The following CEBPZOS variants were observed in gnomAD, a reference collection of about 807,000 sequenced individuals.
CEBPZOS encodes the protein CEBPZ opposite strand, also known as protein CEBPZOS.
Under a neutral mutation model 4.8 loss-of-function variants are expected in CEBPZOS, and 10 were observed. The ratio of observed to expected loss-of-function variants is 2.07; its 90% CI spans 1.28 to 3.52. The LOEUF (loss-of-function observed/expected upper bound fraction) is 3.52. Ranked by LOEUF, CEBPZOS falls within the 30% of genes most tolerant of loss-of-function variation. CEBPZOS has a pLI of 0.00. For missense variants in CEBPZOS, 98 were observed against 43.6 expected (o/e 2.25, Z -3.51); for synonymous variants, 25 against 14.2 (o/e 1.77, Z -1.72).
chr2:37,205,946 G>C (rs1373412161), downstream of CEBPZOS, among the ~76,000 whole-genome samples: 1 of 152,192 alleles, frequency 6.6e-6, no homozygotes, highest in Non-Finnish European at 1.5e-5. Context: ...GCAAATAATG[G>C]TTGAGAAAAG....
At chr2:37,213,090 G>A (rs1677779423) in intron 4 of CEBPZOS, among the ~76,000 whole-genome samples, 1 of 151,914 alleles carries the variant, frequency 6.6e-6, no homozygotes, top group Non-Finnish European at 1.5e-5. Flanking sequence ...AAAAAAATAT[G>A]TAACGTGAAA....
At chr2:37,205,078 G>A (rs963948434), downstream of CEBPZOS, among the ~76,000 whole-genome samples, 2 of 152,164 alleles carry the variant, frequency 1.3e-5, no homozygotes, top group Non-Finnish European at 2.9e-5. Context: ...AAATCTGGAA[G>A]ATAACGTGTT....
downstream of CEBPZOS, chr2:37,215,196 G>A (rs200614160): frequency 7.4e-5 from 14 of 189,978 alleles, no homozygotes; most frequent in Middle Eastern, 1.3e-3. Context: ...TGTCAGTGCC[G>A]TTACAGTGAA....
intron 4 of CEBPZOS, chr2:37,210,434 C>A (rs541737199): frequency 6.6e-6 from 1 of 152,228 alleles, no homozygotes; most frequent in Admixed American, 6.5e-5. Context: ...TGGAATGCTA[C>A]TCATCCATAA....
At chr2:37,211,786 T>A (rs1677726847) in intron 4 of CEBPZOS, 2 of 1,328,410 alleles carry the variant, frequency 1.5e-6, no homozygotes, top group Non-Finnish European at 2.0e-6. Context: ...AAAAACAAAC[T>A]TAAGGCTAAG....
At chr2:37,200,113 G>A (rs1014054516) in intron 2 of CEBPZOS, among the ~76,000 whole-genome samples, 2 of 152,170 alleles carry the variant, frequency 1.3e-5, no homozygotes, top group African/African-American at 4.8e-5. Flanking sequence ...TGGGAGCACA[G>A]ATGGAGGAAA....
chr2:37,213,932 T>C (rs1341723676), downstream of CEBPZOS: 1 of 1,589,742 alleles, frequency 6.3e-7, no homozygotes, highest in Admixed American at 1.9e-5. Flanking sequence ...CCGTTTTTGT[T>C]TCTCTTTAAC....
rs551295420 is a variant in CEBPZOS at position 37,211,873 on chromosome 2, C to T, written c.*3-1564C>T. 7 of 1,607,830 alleles carry T rather than the reference C, an allele frequency of 4.4e-6. No individual in the cohort carries two copies. In the African/African-American group the frequency reaches 8.0e-5, roughly 18 times the overall value. On this transcript the variant is annotated intron_variant, in intron 4 of 4. Transcript: ENST00000397064. ...ACGCTCTCACTTTCATCATCTAACA[C>T]ATCCATGAATGTTCCTCCATCTTCA...
chr2:37,204,815 G>A (rs980360975), downstream of CEBPZOS: 4 of 152,170 alleles, frequency 2.6e-5, no homozygotes, highest in African/African-American at 7.2e-5. Context: ...TATCAATTGA[G>A]ATCTGAAATC....
downstream of CEBPZOS, among the ~76,000 whole-genome samples, chr2:37,205,850 T>G (rs1367427446): frequency 1.3e-5 from 2 of 152,190 alleles, no homozygotes; most frequent in African/African-American, 2.4e-5. Flanking sequence ...TGTAAGATAA[T>G]ACTTTTAAAA....
intron 2 of CEBPZOS, among the ~76,000 whole-genome samples, chr2:37,200,824 T>C (rs1677188795): frequency 6.6e-6 from 1 of 152,124 alleles, no homozygotes; most frequent in Admixed American, 6.5e-5. Context: ...CAGTGGTGGA[T>C]TGTGACTGTG....
downstream of CEBPZOS, among the ~76,000 whole-genome samples, chr2:37,208,144 T>G (rs1344463884): frequency 6.6e-6 from 1 of 152,106 alleles, no homozygotes; most frequent in Non-Finnish European, 1.5e-5. Flanking sequence ...GTAGCACGAC[T>G]GAAACAGTAA....
intron 4 of CEBPZOS, chr2:37,211,453 C>T: frequency 4.3e-6 from 1 of 234,842 alleles, no homozygotes; most frequent in Non-Finnish European, 8.1e-6. Flanking sequence ...AGTCTAGAGA[C>T]AATTCTGGGT....
chr2:37,209,878 T>C (rs1677663716), intron 4 of CEBPZOS: 3 of 152,088 alleles, frequency 2.0e-5, no homozygotes, highest in African/African-American at 7.2e-5. Flanking sequence ...TCGTAAACTA[T>C]GCATCTGAGA....
intron 1 of CEBPZOS, chr2:37,197,434 CTTTAT>C (rs903161785): frequency 2.6e-5 from 4 of 152,276 alleles, no homozygotes; most frequent in Admixed American, 6.5e-5. Flanking sequence ...ATTATTCGCA[CTTTAT>C]TTTCTTTTCT....
chr2:37,211,229 T>C (rs1677711221), intron 4 of CEBPZOS: 1 of 488,646 alleles, frequency 2.0e-6, no homozygotes, highest in South Asian at 4.0e-5. Context: ...TAGCATAGGC[T>C]TGAGGACAGA....
chr2:37,204,952 C>T (rs1677480308), downstream of CEBPZOS, among the ~76,000 whole-genome samples: 1 of 152,150 alleles, frequency 6.6e-6, no homozygotes, highest in African/African-American at 2.4e-5. Flanking sequence ...TAATAAAAGG[C>T]TCAGTAGAAC....
At chr2:37,200,762 G>C (rs745956712) in intron 2 of CEBPZOS, among the ~76,000 whole-genome samples, 4 of 152,138 alleles carry the variant, frequency 2.6e-5, no homozygotes, top group Non-Finnish European at 4.4e-5. Flanking sequence ...CCAGCTACTT[G>C]ACCTTGGCTG....
At chr2:37,205,052 TACTC>T (rs1186475045), downstream of CEBPZOS, among the ~76,000 whole-genome samples, 2 of 152,210 alleles carry the variant, frequency 1.3e-5, no homozygotes, top group Non-Finnish European at 2.9e-5. Flanking sequence ...TGATCTTAGA[TACTC>T]AAGGGAAGAC....
Sources: allele counts gnomAD v4.1 joint callset (sites outside exome capture counted in the v4.1 genomes callset), GRCh38; gene constraint gnomAD v4.1.1; transcripts MANE v1.5; gene names NCBI Gene and HGNC (gene_info 2026-07-23, HGNC 2026-07-21).